The following OSTN variants were observed in gnomAD, a reference collection of about 807,000 sequenced individuals.
OSTN encodes osteocrin.
Under a neutral mutation model 12.0 loss-of-function variants are expected in OSTN, and 9 were observed. The ratio of observed to expected loss-of-function variants is 0.75; its 90% confidence interval spans 0.45 to 1.30. The LOEUF is 1.30. Ranked by LOEUF, OSTN falls within the 50% of genes most tolerant of loss-of-function variation. The probability of loss-of-function intolerance (pLI) is 0.00; values close to 1 mark genes in which losing one functional copy is unlikely to be tolerated. For synonymous variants in OSTN, 59 were observed against 56.9 expected, an observed-to-expected ratio of 1.04 and a Z score of -0.16; for missense variants, 148 against 152.3, an observed-to-expected ratio of 0.97 and a Z score of 0.15.
At chr3:191,219,880 A>G (rs1714719435) in intron 3 of OSTN, among the ~76,000 whole-genome samples, 1 of 152,158 alleles carries the variant, frequency 6.6e-6, no homozygotes, top group African/African-American at 2.4e-5. Flanking sequence ...AAATTTTTTT[A>G]ACATTTATTC....
At chr3:191,221,013 T>C (rs2108534397) in intron 3 of OSTN, among the ~76,000 whole-genome samples, 1 of 152,280 alleles carries the variant, frequency 6.6e-6, no homozygotes, top group South Asian at 2.1e-4. Flanking sequence ...AGGTAATTGA[T>C]CATGGGTGTG....
chr3:191,258,852 C>A (rs1406480990), intron 4 of OSTN, among the ~76,000 whole-genome samples: 2 of 152,110 alleles, frequency 1.3e-5, no homozygotes, highest in Non-Finnish European at 2.9e-5. Flanking sequence ...TTGGAAACAA[C>A]TATAGTTGGC....
chr3:191,221,389 A>G (rs1447126361), intron 3 of OSTN, among the ~76,000 whole-genome samples: 1 of 152,066 alleles, frequency 6.6e-6, no homozygotes, highest in Non-Finnish European at 1.5e-5. Flanking sequence ...GCTCAGAAGA[A>G]GATAGGATAA....
At chr3:191,224,009 T>A (rs1478895255) in intron 3 of OSTN, among the ~76,000 whole-genome samples, 1 of 150,682 alleles carries the variant, frequency 6.6e-6, no homozygotes, top group Non-Finnish European at 1.5e-5. Context: ...GAAAAAAAAA[T>A]AACTTAAAAA....
intron 4 of OSTN, among the ~76,000 whole-genome samples, chr3:191,261,435 A>G (rs1371524394): frequency 6.6e-6 from 1 of 152,186 alleles, no homozygotes; most frequent in East Asian, 1.9e-4. Flanking sequence ...CTTGGCTAGC[A>G]AAGGTAGTCT....
intron 3 of OSTN, among the ~76,000 whole-genome samples, chr3:191,226,827 A>G (rs1226486861): frequency 6.6e-6 from 1 of 152,174 alleles, no homozygotes; most frequent in African/African-American, 2.4e-5. Flanking sequence ...AAAAGATTCA[A>G]TTAATTCATT....
chr3:191,245,834 G>T (rs1429131734), intron 3 of OSTN, among the ~76,000 whole-genome samples: 5 of 152,088 alleles, frequency 3.3e-5, no homozygotes, highest in Admixed American at 1.3e-4. Flanking sequence ...GGGAGGCCGA[G>T]GCGGGTGGAT....
At chr3:191,259,818 T>C (rs1715763726) in intron 4 of OSTN, among the ~76,000 whole-genome samples, 1 of 151,664 alleles carries the variant, frequency 6.6e-6, no homozygotes, top group African/African-American at 2.4e-5. Context: ...CAAGAGAATT[T>C]TGAAAGCTAG....
intron 4 of OSTN, among the ~76,000 whole-genome samples, chr3:191,262,302 C>G (rs1409279909): frequency 6.6e-6 from 1 of 152,178 alleles, no homozygotes; most frequent in Non-Finnish European, 1.5e-5. Flanking sequence ...ATGTGAGACA[C>G]ATGTTGCTGA....
intron 3 of OSTN, among the ~76,000 whole-genome samples, chr3:191,244,382 C>G (rs1715385829): frequency 6.6e-6 from 1 of 151,500 alleles, no homozygotes; most frequent in Non-Finnish European, 1.5e-5. Flanking sequence ...CAGAATATTT[C>G]AGAATGGAAA....
At chr3:191,249,827 C>T (rs954038203) in intron 3 of OSTN, among the ~76,000 whole-genome samples, 1 of 152,120 alleles carries the variant, frequency 6.6e-6, no homozygotes, top group African/African-American at 2.4e-5. Context: ...TCAGTTTCCT[C>T]ATATGTAAAA....
chr3:191,231,069 C>T (rs1158079806), intron 3 of OSTN, among the ~76,000 whole-genome samples: 1 of 152,022 alleles, frequency 6.6e-6, no homozygotes, highest in East Asian at 1.9e-4. Context: ...AGTTAAATTC[C>T]AAGGACACTT....
intron 3 of OSTN, among the ~76,000 whole-genome samples, chr3:191,246,867 T>C (rs2108550300): frequency 6.6e-6 from 1 of 152,230 alleles, no homozygotes; most frequent in Non-Finnish European, 1.5e-5. Flanking sequence ...AATCCTTAGA[T>C]TGCTGTTCTC....
At chr3:191,227,046 T>G (rs1714929923) in intron 3 of OSTN, among the ~76,000 whole-genome samples, 3 of 152,008 alleles carry the variant, frequency 2.0e-5, no homozygotes. Context: ...TGACAAAAGA[T>G]ACCATAAAAC....
At chr3:191,210,267 C>G (rs903916678) in intron 1 of OSTN, among the ~76,000 whole-genome samples, 1 of 152,204 alleles carries the variant, frequency 6.6e-6, no homozygotes. Context: ...GGTCTCCCTC[C>G]AGGCCCCGCC....
Position 191,262,489 on chromosome 3 carries a change from G to A in OSTN, c.*13-377G>A, listed in dbSNP as rs183750699. Among the ~76,000 whole-genome samples, 491 of 152,294 alleles carry A rather than the reference G, an allele frequency of 3.2e-3. 3 individuals carry two copies. Among genetic ancestry groups the A allele is most frequent in the African/African-American group, 0.011 (440 of 41,568 alleles). On this transcript the variant is annotated intron_variant, in intron 4 of 4. Coordinates refer to ENST00000682035, the MANE Select transcript of OSTN (RefSeq NM_198184.2). Reference sequence around the variant, plus strand: ...TTCAATGTGTTATAATAAACAGAAAGTAGTATTCAGGTTTTCTTTGTCCTT... The same window carrying A: ...TTCAATGTGTTATAATAAACAGAAAATAGTATTCAGGTTTTCTTTGTCCTT...
In OSTN at chr3:191,218,879, A is replaced by T. The variant is rs1308044519; in HGVS notation, c.235A>T (p.Lys79Ter). The change falls in exon 3 of 5, where the codon AAG (lysine) becomes TAG (stop). Residue 79 changes from lysine to a stop codon, truncating the protein, a stop_gained. Coordinates refer to ENST00000682035, the MANE Select transcript of OSTN (RefSeq NM_198184.2). LOFTEE classifies it high-confidence loss of function. The part of the protein sequence containing the change: ...VSLENDVIET[K>*]KKRSFSGFGS... ...CCTAGAAAATGATGTGATTGAGACA[A>T]AGAAGAAAAGGAGTTTCTCTGGTTT... The T allele has an allele frequency of 1.2e-6, 2 of 1,614,166 alleles. No individual in the cohort carries two copies. The highest frequency in any genetic ancestry group is 1.7e-6 in the Non-Finnish European group (2 of 1,180,008).
chr3:191,249,308 GA>G (rs1017766962), intron 3 of OSTN, among the ~76,000 whole-genome samples: 1 of 152,122 alleles, frequency 6.6e-6, no homozygotes, highest in African/African-American at 2.4e-5. Flanking sequence ...ACTAAGTGAT[GA>G]TAATATTAGC....
At chr3:191,233,979 C>T (rs1006929477) in intron 3 of OSTN, among the ~76,000 whole-genome samples, 5 of 145,746 alleles carry the variant, frequency 3.4e-5, no homozygotes, top group Non-Finnish European at 6.0e-5. Context: ...GTCACAAGAG[C>T]GAAACTCCAT....
Sources: gnomAD v4.1 joint callset for allele counts (sites outside exome capture counted in the v4.1 genomes callset) on GRCh38, gnomAD v4.1.1 for gene constraint, MANE v1.5 for transcripts, NCBI Gene and HGNC (gene_info 2026-07-23, HGNC 2026-07-21) for gene names.